The following PPP2R5A variants were observed in gnomAD, a reference collection of about 807,000 sequenced individuals.
The protein encoded by PPP2R5A is protein phosphatase 2 regulatory subunit B'alpha.
Under a neutral mutation model 64.2 loss-of-function variants are expected in PPP2R5A, and 25 were observed. The ratio of observed to expected loss-of-function variants is 0.39; its 90% CI spans 0.28 to 0.54. The LOEUF is 0.54. PPP2R5A is among the 20% of genes least tolerant of loss of function. PPP2R5A has a pLI of 0.67. For missense variants in PPP2R5A, 425 were observed against 576.3 expected, an observed-to-expected ratio of 0.74 and a Z score of 2.69; for synonymous variants, 198 against 201.2, an observed-to-expected ratio of 0.98 and a Z score of 0.13.
chr1:212,352,467 T>C (rs1164192322), intron 8 of PPP2R5A, among the ~76,000 whole-genome samples: 3 of 151,362 alleles, frequency 2.0e-5, no homozygotes, highest in East Asian at 2.0e-4. Flanking sequence ...TTTTTTTTTT[T>C]CAGACAGGAT....
chr1:212,321,349 C>T (rs1308884571), intron 1 of PPP2R5A, among the ~76,000 whole-genome samples: 4 of 150,188 alleles, frequency 2.7e-5, no homozygotes, highest in African/African-American at 7.4e-5. Flanking sequence ...CCGGACGGGG[C>T]GGCTGGCCGG....
At chr1:212,338,625 A>G (rs988690174) in intron 3 of PPP2R5A, among the ~76,000 whole-genome samples, 8 of 152,098 alleles carry the variant, frequency 5.3e-5, no homozygotes, top group Non-Finnish European at 1.0e-4. Context: ...CGTCTCTACT[A>G]AGAATACAAA....
At chr1:212,335,869 G>A (rs752575550) in intron 3 of PPP2R5A, among the ~76,000 whole-genome samples, 1 of 152,144 alleles carries the variant, frequency 6.6e-6, no homozygotes, top group Non-Finnish European at 1.5e-5. Flanking sequence ...TTTTTAATCA[G>A]ATGTAGTTGA....
chr1:212,315,808 T>G (rs1381827019), intron 1 of PPP2R5A, among the ~76,000 whole-genome samples: 1 of 152,234 alleles, frequency 6.6e-6, no homozygotes, highest in African/African-American at 2.4e-5. Context: ...ATTGAGCAAG[T>G]CTGTTGGTCC....
chr1:212,299,554 G>C (rs961279691), intron 1 of PPP2R5A: 1 of 152,126 alleles, frequency 6.6e-6, no homozygotes, highest in Non-Finnish European at 1.5e-5. Context: ...AAAAAGTTAG[G>C]TCAGGATAAC....
chr1:212,290,414 T>C (rs1041491355), intron 1 of PPP2R5A, among the ~76,000 whole-genome samples: 2 of 152,196 alleles, frequency 1.3e-5, no homozygotes, highest in Non-Finnish European at 2.9e-5. Flanking sequence ...AGAGGAGAGT[T>C]CAAATTCATC....
intron 1 of PPP2R5A, among the ~76,000 whole-genome samples, chr1:212,293,970 G>A (rs1308718988): frequency 6.6e-6 from 1 of 152,004 alleles, no homozygotes; most frequent in African/African-American, 2.4e-5. Context: ...GAAAGTACAG[G>A]GTTTTAAAAC....
chr1:212,339,676 T>C (rs1168432969), intron 3 of PPP2R5A, among the ~76,000 whole-genome samples: 1 of 152,136 alleles, frequency 6.6e-6, no homozygotes, highest in Non-Finnish European at 1.5e-5. Flanking sequence ...ATGGTTCAAT[T>C]ATATATATGG....
At chr1:212,324,351 C>T (rs1186218900) in intron 1 of PPP2R5A, among the ~76,000 whole-genome samples, 1 of 152,110 alleles carries the variant, frequency 6.6e-6, no homozygotes, top group Non-Finnish European at 1.5e-5. Context: ...TATATGGGAC[C>T]ACCATCACAT....
chr1:212,307,800 G>A (rs543654387), intron 1 of PPP2R5A, among the ~76,000 whole-genome samples: 12 of 152,134 alleles, frequency 7.9e-5, no homozygotes, highest in Admixed American at 3.3e-4. Flanking sequence ...AAAATTCTTC[G>A]TTTTTATTTA....
At chr1:212,310,666 C>G (rs937314813) in intron 1 of PPP2R5A, among the ~76,000 whole-genome samples, 17 of 152,214 alleles carry the variant, frequency 1.1e-4, no homozygotes, top group African/African-American at 4.1e-4. Context: ...TGTGGAATCA[C>G]AACTTTATAG....
intron 8 of PPP2R5A, among the ~76,000 whole-genome samples, chr1:212,349,893 T>G: frequency 6.6e-6 from 1 of 152,164 alleles, no homozygotes; most frequent in South Asian, 2.1e-4. Flanking sequence ...CAGAAAAGTA[T>G]AAAAGCATAG....
intron 3 of PPP2R5A, among the ~76,000 whole-genome samples, chr1:212,334,456 G>C (rs1417789031): frequency 3.3e-5 from 5 of 151,972 alleles, no homozygotes; most frequent in African/African-American, 1.2e-4. Flanking sequence ...CACTACACCT[G>C]CTAATTTTTG....
intron 1 of PPP2R5A, among the ~76,000 whole-genome samples, chr1:212,323,321 T>C (rs767029997): frequency 6.6e-5 from 10 of 152,202 alleles, no homozygotes; most frequent in Non-Finnish European, 1.2e-4. Context: ...CTTCAAAGGA[T>C]TGTGTGAAAT....
intron 2 of PPP2R5A, among the ~76,000 whole-genome samples, chr1:212,329,720 C>T (rs188770697): frequency 6.6e-6 from 1 of 152,274 alleles, no homozygotes; most frequent in East Asian, 1.9e-4. Context: ...GATCTTGGCT[C>T]ACTGCAACCT....
intron 3 of PPP2R5A, among the ~76,000 whole-genome samples, chr1:212,338,534 G>A (rs1446634378): frequency 6.6e-6 from 1 of 152,172 alleles, no homozygotes; most frequent in Non-Finnish European, 1.5e-5. Flanking sequence ...CACTTTGGGA[G>A]GCTGAGGCAG....
intron 1 of PPP2R5A, among the ~76,000 whole-genome samples, chr1:212,296,680 C>G (rs1451056804): frequency 6.6e-6 from 1 of 152,148 alleles, no homozygotes; most frequent in Non-Finnish European, 1.5e-5. Flanking sequence ...CTTTGAGACC[C>G]AAGACCATAT....
At chr1:212,326,558 C>T (rs1659410999) in intron 1 of PPP2R5A, among the ~76,000 whole-genome samples, 1 of 152,144 alleles carries the variant, frequency 6.6e-6, no homozygotes, top group South Asian at 2.1e-4. Context: ...GATCGCGCCA[C>T]CACACTCTAG....
chr1:212,309,504 C>T (rs1226839610), intron 1 of PPP2R5A: 9 of 766,954 alleles, frequency 1.2e-5, no homozygotes, highest in Admixed American at 1.8e-5. Flanking sequence ...CTTCCTTCTT[C>T]GCTTTCGGCG....
Sources: allele counts gnomAD v4.1 joint callset (sites outside exome capture counted in the v4.1 genomes callset), GRCh38; gene constraint gnomAD v4.1.1; transcripts MANE v1.5; gene names NCBI Gene and HGNC (gene_info 2026-07-23, HGNC 2026-07-21).